The following DMXL2 variants were observed in gnomAD, a reference collection of about 807,000 sequenced individuals.
DMXL2 encodes dmX-like protein 2.
Under a neutral mutation model 331.1 loss-of-function variants are expected in DMXL2, and 103 were observed. The observed-to-expected ratio is 0.31, with a 90% confidence interval of 0.27 to 0.37. The LOEUF (loss-of-function observed/expected upper bound fraction) is 0.37, where lower values mean the gene tolerates loss of function less well. Among genes scored for constraint, DMXL2 ranks in the 10% least tolerant of loss-of-function variants. The pLI is 1.00. For missense variants in DMXL2, 3,171 were observed against 3,642.9 expected (o/e 0.87, Z 3.33); for synonymous variants, 1,281 against 1,252.1 (o/e 1.02, Z -0.49).
At chr15:51,600,590 T>G (rs758059107) in intron 1 of DMXL2, among the ~76,000 whole-genome samples, 6 of 152,212 alleles carry the variant, frequency 3.9e-5, no homozygotes, top group Non-Finnish European at 8.8e-5. Context: ...AAATCTGAAA[T>G]TAAAACTGCT....
At position 51,465,657 on chromosome 15, in the gene DMXL2, C is replaced by CA; in HGVS notation, c.7521-7dup. ...TCAAATGTAGAAGAGCCCAGCTGTT[C>CA]AAGGAGGGGCAAAAAGAGTCTTTAA... is the stretch of plus-strand genomic sequence containing the variant. On this transcript the variant is annotated splice_region_variant and splice_polypyrimidine_tract_variant and intron_variant, in intron 30 of 43. Transcript: ENST00000560891. 1 of 1,563,128 alleles carries CA rather than the reference C, an allele frequency of 6.4e-7. No individual in the cohort carries two copies. The highest frequency in any genetic ancestry group is 8.7e-7 in the Non-Finnish European group (1 of 1,152,688).
At chr15:51,553,476 TA>T (rs200193511) in intron 6 of DMXL2, among the ~76,000 whole-genome samples, 11 of 151,612 alleles carry the variant, frequency 7.3e-5, no homozygotes, top group East Asian at 1.9e-4. Flanking sequence ...CGTTATATGA[TA>T]AAAAAAAATC....
intron 25 of DMXL2, 79 bp downstream of exon 25, chr15:51,479,869 A>T (rs2041881808): frequency 9.1e-7 from 1 of 1,098,734 alleles, no homozygotes; most frequent in Non-Finnish European, 1.2e-6. Flanking sequence ...ATTTCCCCTA[A>T]GTTCGAATTA....
intron 1 of DMXL2, among the ~76,000 whole-genome samples, chr15:51,576,950 C>T (rs1043080160): frequency 6.6e-6 from 1 of 152,184 alleles, no homozygotes; most frequent in Non-Finnish European, 1.5e-5. Context: ...ATTCCCATGT[C>T]CAACTCTAAT....
chr15:51,561,306 G>C (rs1170282000), intron 6 of DMXL2, among the ~76,000 whole-genome samples: 1 of 152,202 alleles, frequency 6.6e-6, no homozygotes, highest in African/African-American at 2.4e-5. Flanking sequence ...GTGTGCTTTG[G>C]CTTTGATTCT....
At chr15:51,592,241 A>T (rs1478053535) in intron 1 of DMXL2, among the ~76,000 whole-genome samples, 1 of 152,216 alleles carries the variant, frequency 6.6e-6, no homozygotes, top group East Asian at 1.9e-4. Context: ...TGGAGCTAAA[A>T]ACCAAGGCAC....
At chr15:51,614,517 C>T (rs2054171611) in intron 1 of DMXL2, among the ~76,000 whole-genome samples, 1 of 152,186 alleles carries the variant, frequency 6.6e-6, no homozygotes. Flanking sequence ...CAGGGCAGCA[C>T]AGCTTTACAC....
chr15:51,530,692 T>C (rs988320817), intron 13 of DMXL2, among the ~76,000 whole-genome samples: 9 of 152,058 alleles, frequency 5.9e-5, no homozygotes, highest in Admixed American at 3.9e-4. Flanking sequence ...GAGGCAGCGG[T>C]TGCAGTGAGC....
At chr15:51,597,878 T>G (rs1219518977) in intron 1 of DMXL2, among the ~76,000 whole-genome samples, 1 of 152,226 alleles carries the variant, frequency 6.6e-6, no homozygotes, top group Admixed American at 6.5e-5. Flanking sequence ...TCTGTCTTTT[T>G]GTGATTATTA....
intron 13 of DMXL2, among the ~76,000 whole-genome samples, chr15:51,525,980 C>A (rs994355616): frequency 2.0e-5 from 3 of 151,796 alleles, no homozygotes; most frequent in Non-Finnish European, 2.9e-5. Context: ...GTGGTTACAG[C>A]AGGCTTTGGG....
At chr15:51,588,154 T>C (rs2052004143) in intron 1 of DMXL2, among the ~76,000 whole-genome samples, 1 of 130,460 alleles carries the variant, frequency 7.7e-6, no homozygotes, top group South Asian at 2.5e-4. Flanking sequence ...CCCAATATTG[T>C]TTAGGGGTTT....
intron 16 of DMXL2, among the ~76,000 whole-genome samples, chr15:51,503,929 A>T (rs2043865800): frequency 6.7e-6 from 1 of 149,012 alleles, no homozygotes. Flanking sequence ...ATAAGCTTAA[A>T]TTTTTTTTTT....
intron 18 of DMXL2, among the ~76,000 whole-genome samples, chr15:51,497,408 A>G (rs1039843137): frequency 2.0e-5 from 3 of 152,230 alleles, no homozygotes; most frequent in African/African-American, 7.2e-5. Flanking sequence ...CTTAATGCCT[A>G]TGTGATCTCA....
At chr15:51,487,923 A>G in intron 22 of DMXL2, 31 bp downstream of exon 22, 2 of 1,485,292 alleles carry the variant, frequency 1.3e-6, no homozygotes, top group South Asian at 1.4e-5. Context: ...ATCTTTTACA[A>G]GTATTATATA....
chr15:51,587,407 G>A (rs1173203614), intron 1 of DMXL2, among the ~76,000 whole-genome samples: 1 of 152,086 alleles, frequency 6.6e-6, no homozygotes, highest in East Asian at 1.9e-4. Context: ...CTACGAGTGA[G>A]AATATGCAGT....
At chr15:51,594,673 C>T (rs1423854594) in intron 1 of DMXL2, among the ~76,000 whole-genome samples, 1 of 152,158 alleles carries the variant, frequency 6.6e-6, no homozygotes, top group Non-Finnish European at 1.5e-5. Context: ...CAATAAAATA[C>T]TGGCAAACCA....
At chr15:51,551,211 T>C (rs1235411192) in intron 6 of DMXL2, among the ~76,000 whole-genome samples, 1 of 151,748 alleles carries the variant, frequency 6.6e-6, no homozygotes, top group Non-Finnish European at 1.5e-5. Flanking sequence ...TGTGAGAAAA[T>C]AGCTTTTTCA....
intron 15 of DMXL2, among the ~76,000 whole-genome samples, chr15:51,509,802 C>G (rs1471270793): frequency 6.6e-6 from 1 of 152,088 alleles, no homozygotes; most frequent in Non-Finnish European, 1.5e-5. Context: ...ATGCGAAAAA[C>G]CTCAATAAAA....
intron 1 of DMXL2, among the ~76,000 whole-genome samples, chr15:51,608,229 A>G (rs2053722214): frequency 6.6e-6 from 1 of 152,160 alleles, no homozygotes; most frequent in South Asian, 2.1e-4. Flanking sequence ...CTACAATTCA[A>G]CCCAGCAATC....
Sources: allele counts gnomAD v4.1 joint callset (sites outside exome capture counted in the v4.1 genomes callset), GRCh38; gene constraint gnomAD v4.1.1; transcripts MANE v1.5; gene names NCBI Gene and HGNC (gene_info 2026-07-23, HGNC 2026-07-21).